ZNF521: variants seen among roughly 807,000 people sequenced by gnomAD.
The protein encoded by ZNF521 is LYST-interacting protein 3.
ZNF521 carries 14 observed loss-of-function variants against 105.5 expected under a neutral mutation model. That is an observed-to-expected ratio of 0.13 (90% confidence interval 0.09 to 0.21). The LOEUF (loss-of-function observed/expected upper bound fraction) is 0.21, where lower values mean the gene tolerates loss of function less well. Ranked by LOEUF, ZNF521 falls within the 10% of genes least tolerant of loss-of-function variation. ZNF521 has a pLI of 1.00. For synonymous variants in ZNF521, 635 were observed against 606.0 expected, an observed-to-expected ratio of 1.05 and a Z score of -0.70; for missense variants, 1,233 against 1,629.7, an observed-to-expected ratio of 0.76 and a Z score of 4.19.
rs537901920 is a variant in ZNF521 at position 25,331,735 on chromosome 18, G to A, written c.41-9548C>T. On this transcript the variant is annotated intron_variant, in intron 2 of 7. Transcript: ENST00000361524. ...ACAATTGCTGAGGCATTAGCTTGGG[G>A]GGAAAGTGTTTTGTTTGAATCAGGA... Among the ~76,000 whole-genome samples the A allele has an allele frequency of 2.0e-5, 3 of 152,216 alleles. No homozygotes were observed. The South Asian group carries it at 6.2e-4, about 32-fold the overall frequency.
At chr18:25,136,981 G>A (rs2034746796) in intron 5 of ZNF521, among the ~76,000 whole-genome samples, 1 of 152,108 alleles carries the variant, frequency 6.6e-6, no homozygotes, top group African/African-American at 2.4e-5. Context: ...CTGCTGCTGT[G>A]CCCTCTGACC....
At chr18:25,230,676 G>A (rs1906475460) in intron 3 of ZNF521, among the ~76,000 whole-genome samples, 1 of 152,172 alleles carries the variant, frequency 6.6e-6, no homozygotes, top group Admixed American at 6.5e-5. Flanking sequence ...GCTACTTACA[G>A]GGACTGTCTT....
intron 7 of ZNF521, among the ~76,000 whole-genome samples, chr18:25,065,549 G>A (rs1001933175): frequency 1.3e-5 from 2 of 151,626 alleles, no homozygotes; most frequent in African/African-American, 2.4e-5. Flanking sequence ...CTGGTCCCAA[G>A]CATTTTAAAA....
intron 2 of ZNF521, among the ~76,000 whole-genome samples, chr18:25,350,109 A>G (rs1490380746): frequency 6.6e-6 from 1 of 151,970 alleles, no homozygotes; most frequent in Non-Finnish European, 1.5e-5. Flanking sequence ...CGATAACTTC[A>G]GGGACCCCCG....
chr18:25,186,133 G>A (rs999352243), intron 5 of ZNF521, among the ~76,000 whole-genome samples: 3 of 152,130 alleles, frequency 2.0e-5, no homozygotes, highest in African/African-American at 7.2e-5. Flanking sequence ...AAAAGATGCC[G>A]AGGCAATGTG....
intron 5 of ZNF521, among the ~76,000 whole-genome samples, chr18:25,139,660 G>C (rs2034810073): frequency 6.6e-6 from 1 of 152,056 alleles, no homozygotes; most frequent in African/African-American, 2.4e-5. Context: ...TTCTAGCCCA[G>C]GTCCACTCCA....
chr18:25,295,272 T>C (rs762968823), intron 3 of ZNF521, among the ~76,000 whole-genome samples: 24 of 152,218 alleles, frequency 1.6e-4, no homozygotes, highest in Admixed American at 2.6e-4. Context: ...GTATTCTTTG[T>C]CATCTTGTTT....
At chr18:25,297,308 G>T (rs1911378062) in intron 3 of ZNF521, among the ~76,000 whole-genome samples, 1 of 152,000 alleles carries the variant, frequency 6.6e-6, no homozygotes, top group Non-Finnish European at 1.5e-5. Flanking sequence ...TTGTAATCCA[G>T]TTTTGCTAAC....
intron 5 of ZNF521, among the ~76,000 whole-genome samples, chr18:25,122,675 A>T (rs1464925533): frequency 6.6e-6 from 1 of 152,206 alleles, no homozygotes; most frequent in African/African-American, 2.4e-5. Context: ...GCAGTTAAGA[A>T]ATTTAATGTC....
At chr18:25,161,620 A>T (rs1482110979) in intron 5 of ZNF521, among the ~76,000 whole-genome samples, 1 of 152,238 alleles carries the variant, frequency 6.6e-6, no homozygotes, top group Non-Finnish European at 1.5e-5. Flanking sequence ...TTTGAAGACA[A>T]TGAGCTGATT....
rs116020581 is a variant in ZNF521, at chr18:25,183,328, A to G, written c.3658+11832T>C. ...GGACAGCTTAAAATAATCACAATTC[A>G]GGTCTTCTTACTAACATGCTATAAT... is the stretch of plus-strand genomic sequence containing the variant. On this transcript the variant is annotated intron_variant, in intron 5 of 7. Coordinates refer to ENST00000361524, the MANE Select transcript of ZNF521 (RefSeq NM_015461.3). Among the ~76,000 whole-genome samples the G allele has an allele frequency of 6.0e-3, 920 of 152,302 alleles. 8 individuals are homozygous for G. Among genetic ancestry groups the G allele is most frequent in the African/African-American group, 0.02 (821 of 41,578 alleles).
chr18:25,206,671 G>A (rs2036086567), intron 4 of ZNF521, among the ~76,000 whole-genome samples: 1 of 151,776 alleles, frequency 6.6e-6, no homozygotes, highest in African/African-American at 2.4e-5. Flanking sequence ...TCTCTTAGCA[G>A]TTCTTACTTT....
intron 4 of ZNF521, among the ~76,000 whole-genome samples, chr18:25,220,004 A>G (rs993934711): frequency 1.6e-4 from 24 of 152,110 alleles, no homozygotes; most frequent in African/African-American, 5.8e-4. Context: ...TGGATACACT[A>G]TTTGGAGAGC....
intron 5 of ZNF521, among the ~76,000 whole-genome samples, chr18:25,167,946 A>T: frequency 6.6e-6 from 1 of 152,360 alleles, no homozygotes; most frequent in African/African-American, 2.4e-5. Context: ...TACAAGGATG[A>T]AAAGGTCACT....
intron 7 of ZNF521, among the ~76,000 whole-genome samples, chr18:25,084,316 G>A (rs1046851987): frequency 7.3e-5 from 11 of 150,636 alleles, no homozygotes; most frequent in African/African-American, 2.4e-4. Context: ...ATTTAATGCT[G>A]TATTGTTGTC....
At chr18:25,278,424 G>A (rs994741309) in intron 3 of ZNF521, among the ~76,000 whole-genome samples, 1 of 152,158 alleles carries the variant, frequency 6.6e-6, no homozygotes, top group African/African-American at 2.4e-5. Context: ...CATTTGAAGC[G>A]ATCTGTGCTG....
chr18:25,321,754 T>TA (rs1190353925), intron 3 of ZNF521, among the ~76,000 whole-genome samples: 1 of 151,842 alleles, frequency 6.6e-6, no homozygotes, highest in Non-Finnish European at 1.5e-5. Context: ...TGGCATCATG[T>TA]AAAAAAAAGC....
intron 7 of ZNF521, among the ~76,000 whole-genome samples, chr18:25,086,736 G>A (rs2033631623): frequency 1.3e-5 from 2 of 152,078 alleles, no homozygotes; most frequent in South Asian, 4.2e-4. Flanking sequence ...GAAATATAAG[G>A]CTCATAGTTT....
intron 2 of ZNF521, among the ~76,000 whole-genome samples, chr18:25,328,835 A>G (rs989483122): frequency 6.6e-6 from 1 of 152,218 alleles, no homozygotes; most frequent in Non-Finnish European, 1.5e-5. Flanking sequence ...TACAGGCGTG[A>G]GCCATCGCGC....
Sources: gnomAD v4.1 joint callset for allele counts (sites outside exome capture counted in the v4.1 genomes callset) on GRCh38, gnomAD v4.1.1 for gene constraint, MANE v1.5 for transcripts, NCBI Gene and HGNC (gene_info 2026-07-23, HGNC 2026-07-21) for gene names.